Variants in CDH13 observed in about 807,000 individuals in gnomAD.
The protein encoded by CDH13 is cadherin-13.
In CDH13, 24 loss-of-function variants were observed where a neutral mutation model predicts 63.8. The observed-to-expected ratio is 0.38, with a 90% CI of 0.27 to 0.53. The LOEUF (loss-of-function observed/expected upper bound fraction) is 0.53. Among genes scored for constraint, CDH13 ranks in the 20% least tolerant of loss-of-function variants. The probability of loss-of-function intolerance (pLI) is 0.85; values close to 1 mark genes in which losing one functional copy is unlikely to be tolerated. For synonymous variants in CDH13, 503 were observed against 355.3 expected, an observed-to-expected ratio of 1.42 and a Z score of -4.67; for missense variants, 1,049 against 903.1, an observed-to-expected ratio of 1.16 and a Z score of -2.07.
intron 4 of CDH13, among the ~76,000 whole-genome samples, chr16:83,202,074 T>TA (rs932778105): frequency 7.9e-5 from 12 of 152,308 alleles, no homozygotes; most frequent in African/African-American, 2.6e-4. Flanking sequence ...AGGTCTCTGC[T>TA]AATGGCCCCA....
chr16:83,135,560 G>C (rs191545950), intron 4 of CDH13, among the ~76,000 whole-genome samples: 1 of 152,306 alleles, frequency 6.6e-6, no homozygotes, highest in East Asian at 1.9e-4. Flanking sequence ...CAGGGCTCTG[G>C]ATGGATTTTA....
chr16:83,169,695 C>T (rs2037841254), intron 4 of CDH13, among the ~76,000 whole-genome samples: 1 of 151,986 alleles, frequency 6.6e-6, no homozygotes, highest in South Asian at 2.1e-4. Context: ...AATCTCTTGC[C>T]TGTCATATGT....
chr16:83,658,848 C>A (rs570950093), intron 8 of CDH13, among the ~76,000 whole-genome samples: 10 of 143,358 alleles, frequency 7.0e-5, no homozygotes, highest in African/African-American at 2.6e-4. Context: ...ACCACCAGGT[C>A]CCGTATCCTC....
At chr16:82,862,810 C>T (rs1449893180) in intron 2 of CDH13, among the ~76,000 whole-genome samples, 1 of 152,330 alleles carries the variant, frequency 6.6e-6, no homozygotes, top group Non-Finnish European at 1.5e-5. Context: ...TGCAGTCGGG[C>T]TGCTCTCCTG....
chr16:83,681,754 T>C (rs1163092087), intron 10 of CDH13, among the ~76,000 whole-genome samples: 1 of 152,142 alleles, frequency 6.6e-6, no homozygotes, highest in Non-Finnish European at 1.5e-5. Context: ...TGCTCTCCCT[T>C]GGGGCCTGTG....
rs536621642 is a variant in CDH13 at position 82,681,591 on chromosome 16, G to A, written c.45+54454G>A. 5.9e-5 allele frequency among the ~76,000 whole-genome samples: 9 copies of A among 152,314 alleles called. No individual in the cohort carries two copies. The East Asian group carries it at 1.5e-3, about 26-fold the overall frequency. The stretch of plus-strand genomic sequence containing the variant: ...CATTTTCTGAGCTAGTCACCAAAAC[G>A]TATCTGACACTTTCTTGCTTAACCT... On this transcript the variant is annotated intron_variant, in intron 1 of 13. Coordinates refer to ENST00000567109, the MANE Select transcript of CDH13 (RefSeq NM_001257.5).
intron 5 of CDH13, among the ~76,000 whole-genome samples, chr16:83,317,290 T>C (rs1161970733): frequency 6.6e-6 from 1 of 152,142 alleles, no homozygotes; most frequent in Non-Finnish European, 1.5e-5. Context: ...TACCAGCAAG[T>C]TCTGTTGAAA....
At chr16:83,121,138 C>G (rs2035553803) in intron 3 of CDH13, among the ~76,000 whole-genome samples, 1 of 152,098 alleles carries the variant, frequency 6.6e-6, no homozygotes, top group African/African-American at 2.4e-5. Flanking sequence ...ATTATTCTTG[C>G]TTTTTCTTCT....
chr16:83,351,221 A>G (rs1437218596), intron 6 of CDH13, among the ~76,000 whole-genome samples: 1 of 150,202 alleles, frequency 6.7e-6, no homozygotes, highest in African/African-American at 2.5e-5. Context: ...AGGTTCCTCC[A>G]TTCTCAACTG....
At chr16:82,693,433 A>G (rs1039356637) in intron 1 of CDH13, among the ~76,000 whole-genome samples, 2 of 152,230 alleles carry the variant, frequency 1.3e-5, no homozygotes, top group Non-Finnish European at 2.9e-5. Flanking sequence ...GCTGAAAGCA[A>G]CATCCTCAGG....
intron 1 of CDH13, among the ~76,000 whole-genome samples, chr16:82,764,161 T>C (rs1344722308): frequency 6.6e-6 from 1 of 152,200 alleles, no homozygotes; most frequent in Admixed American, 6.5e-5. Flanking sequence ...TGTATTATTA[T>C]TGCTGTTGTT....
intron 4 of CDH13, among the ~76,000 whole-genome samples, chr16:83,127,714 G>A (rs1162410532): frequency 1.3e-5 from 2 of 152,140 alleles, no homozygotes; most frequent in African/African-American, 4.8e-5. Context: ...GCGACAGGGT[G>A]AGACTCTGTG....
chr16:83,604,746 T>A (rs776144351), intron 8 of CDH13, among the ~76,000 whole-genome samples: 1 of 152,206 alleles, frequency 6.6e-6, no homozygotes, highest in South Asian at 2.1e-4. Context: ...ATATTCAATA[T>A]AAACTTAACG....
intron 7 of CDH13, among the ~76,000 whole-genome samples, chr16:83,504,126 A>G (rs1024747192): frequency 7.9e-5 from 12 of 152,308 alleles, no homozygotes; most frequent in African/African-American, 2.9e-4. Flanking sequence ...TAAAATTTAA[A>G]AAAAGGAAAT....
intron 8 of CDH13, among the ~76,000 whole-genome samples, chr16:83,666,873 T>C (rs1030138956): frequency 1.3e-5 from 2 of 152,136 alleles, no homozygotes; most frequent in Non-Finnish European, 2.9e-5. Context: ...AACTGTAATT[T>C]TATTTCTTGA....
intron 5 of CDH13, among the ~76,000 whole-genome samples, chr16:83,223,323 C>A (rs886745990): frequency 1.1e-4 from 16 of 152,264 alleles, no homozygotes; most frequent in African/African-American, 3.6e-4. Context: ...AGTGGAAGGG[C>A]CAAAAGACAG....
chr16:83,674,170 T>C (rs1438221365), intron 9 of CDH13, among the ~76,000 whole-genome samples: 1 of 152,208 alleles, frequency 6.6e-6, no homozygotes. Context: ...GTTAGACTAA[T>C]AGTGGCTTAA....
At chr16:83,605,358 G>C (rs1908226898) in intron 8 of CDH13, among the ~76,000 whole-genome samples, 1 of 152,192 alleles carries the variant, frequency 6.6e-6, no homozygotes, top group South Asian at 2.1e-4. Flanking sequence ...TTCCTGAAAG[G>C]CTGATGTTCT....
chr16:83,265,808 T>C (rs1342378272), intron 5 of CDH13, among the ~76,000 whole-genome samples: 1 of 147,046 alleles, frequency 6.8e-6, no homozygotes. Flanking sequence ...TTTGCTGCCG[T>C]TGTCCTCTGA....
Sources: gnomAD v4.1 joint callset for allele counts (sites outside exome capture counted in the v4.1 genomes callset) on GRCh38, gnomAD v4.1.1 for gene constraint, MANE v1.5 for transcripts, NCBI Gene and HGNC (gene_info 2026-07-23, HGNC 2026-07-21) for gene names.